The following RGS6 variants were observed in gnomAD, a reference collection of about 807,000 sequenced individuals.
RGS6 encodes the protein regulator of G-protein signaling 6.
Under a neutral mutation model 78.5 loss-of-function variants are expected in RGS6, and 30 were observed. That is an observed-to-expected ratio of 0.38 (90% CI 0.29 to 0.52). The LOEUF is 0.52. Ranked by LOEUF, RGS6 falls within the 20% of genes least tolerant of loss-of-function variation. The pLI, the probability that RGS6 is intolerant of heterozygous loss-of-function variation, is 0.85. For missense variants in RGS6, 495 were observed against 609.7 expected, an observed-to-expected ratio of 0.81 and a Z score of 1.98; for synonymous variants, 206 against 206.0, an observed-to-expected ratio of 1.00 and a Z score of 0.00.
chr14:72,624,130 AT>A, the RGS6 span, among the ~76,000 whole-genome samples: 1 of 152,102 alleles, frequency 6.6e-6, no homozygotes, highest in Non-Finnish European at 1.5e-5. Context: ...ATCACACTAT[AT>A]TTTTATTTAT....
intron 2 of RGS6, among the ~76,000 whole-genome samples, chr14:72,139,500 G>T (rs1296176644): frequency 6.6e-6 from 1 of 152,168 alleles, no homozygotes; most frequent in Admixed American, 6.5e-5. Context: ...AACTTTCATA[G>T]TAAGAACTTG....
chr14:72,535,671 G>A (rs149582162), intron 15 of RGS6, among the ~76,000 whole-genome samples: 2 of 152,270 alleles, frequency 1.3e-5, no homozygotes, highest in African/African-American at 4.8e-5. Context: ...CCTTCCTGTT[G>A]CCTTTTATAA....
the RGS6 span, among the ~76,000 whole-genome samples, chr14:72,586,833 T>C: frequency 6.6e-6 from 1 of 152,190 alleles, no homozygotes; most frequent in African/African-American, 2.4e-5. Flanking sequence ...AATACTACTT[T>C]GCAGGGCCTG....
intron 2 of RGS6, among the ~76,000 whole-genome samples, chr14:72,348,084 C>T (rs1019153888): frequency 6.6e-6 from 1 of 152,230 alleles, no homozygotes; most frequent in Non-Finnish European, 1.5e-5. Context: ...CTAGGATCAG[C>T]CAGGCTCTGG....
chr14:72,606,035 C>T, the RGS6 span, among the ~76,000 whole-genome samples: 2 of 152,100 alleles, frequency 1.3e-5, no homozygotes, highest in South Asian at 2.1e-4. Flanking sequence ...CCTTGTCCCC[C>T]GAGACCTCTG....
the RGS6 span, among the ~76,000 whole-genome samples, chr14:72,576,725 G>A: frequency 6.6e-6 from 1 of 152,156 alleles, no homozygotes. Flanking sequence ...GTCAATCAAG[G>A]CTTCTCAGCA....
intron 2 of RGS6, among the ~76,000 whole-genome samples, chr14:72,215,248 A>G (rs1368639570): frequency 1.3e-5 from 2 of 152,172 alleles, no homozygotes; most frequent in African/African-American, 4.8e-5. Flanking sequence ...CCAGCCAATC[A>G]GCCAGAGACA....
chr14:72,186,200 A>T (rs1010468000), intron 2 of RGS6, among the ~76,000 whole-genome samples: 1 of 152,106 alleles, frequency 6.6e-6, no homozygotes, highest in Non-Finnish European at 1.5e-5. Context: ...AGCTGATCCC[A>T]TTTCTCTCTC....
intron 2 of RGS6, among the ~76,000 whole-genome samples, chr14:72,139,630 TAG>T (rs1413169192): frequency 6.6e-6 from 1 of 152,222 alleles, no homozygotes. Context: ...TGTTTATAGA[TAG>T]AGTTTCAGCT....
intron 2 of RGS6, among the ~76,000 whole-genome samples, chr14:72,228,822 G>C (rs1002934271): frequency 3.9e-5 from 6 of 152,250 alleles, no homozygotes; most frequent in African/African-American, 1.4e-4. Flanking sequence ...AAGGCAGCCA[G>C]ATCACCTGAG....
chr14:72,008,845 G>A (rs2085105718), intron 2 of RGS6, among the ~76,000 whole-genome samples: 1 of 152,228 alleles, frequency 6.6e-6, no homozygotes, highest in Admixed American at 6.5e-5. Flanking sequence ...GTAGGCCTTA[G>A]ACTTCTGTAC....
the RGS6 span, among the ~76,000 whole-genome samples, chr14:72,577,443 C>T: frequency 6.6e-6 from 1 of 152,206 alleles, no homozygotes; most frequent in Admixed American, 6.5e-5. Flanking sequence ...CTCTTTCTCT[C>T]CCACCTTTTC....
intron 3 of RGS6, among the ~76,000 whole-genome samples, chr14:72,365,987 A>T (rs1012483633): frequency 1.3e-5 from 2 of 152,152 alleles, no homozygotes; most frequent in Non-Finnish European, 2.9e-5. Flanking sequence ...AGAACATTTT[A>T]TGTAAGAGAT....
In RGS6 at chr14:72,341,704, G is replaced by A. The variant is rs562516547; in HGVS notation, c.85-10391G>A. ...CTTGAATTCCATAGTAGGGAATTTG[G>A]CATTTATTTTGTAGCTGTGGGAAGC... On this transcript the variant is annotated intron_variant, in intron 2 of 17. Coordinates refer to ENST00000553525, the MANE Select transcript of RGS6 (RefSeq NM_001204424.2). Among the ~76,000 whole-genome samples, 31 of 152,296 alleles carry A rather than the reference G, an allele frequency of 2.0e-4. 1 individual carries two copies. In the South Asian group the frequency reaches 6.2e-3, roughly 31 times the overall value.
chr14:72,481,507 G>A (rs2283377), intron 12 of RGS6, among the ~76,000 whole-genome samples: 17,017 of 152,100 alleles, frequency 0.11, 1,055 homozygotes, highest in South Asian at 0.17. Flanking sequence ...TGCCTCACAC[G>A]CCATCACTAA....
At chr14:72,268,470 A>T (rs1436215122) in intron 2 of RGS6, among the ~76,000 whole-genome samples, 1 of 152,210 alleles carries the variant, frequency 6.6e-6, no homozygotes, top group Non-Finnish European at 1.5e-5. Context: ...AGCCTGAGGG[A>T]AATGGAACAG....
chr14:72,323,935 G>A (rs555636018), intron 2 of RGS6, among the ~76,000 whole-genome samples: 1 of 147,348 alleles, frequency 6.8e-6, no homozygotes, highest in East Asian at 2.0e-4. Flanking sequence ...ATATATTTAT[G>A]GGGTACTTGA....
intron 2 of RGS6, among the ~76,000 whole-genome samples, chr14:72,004,430 T>C (rs751762022): frequency 2.6e-5 from 4 of 152,190 alleles, no homozygotes; most frequent in Non-Finnish European, 5.9e-5. Context: ...TTTGAAAATA[T>C]AGTCTTAATA....
At chr14:72,321,904 T>C (rs1044697266) in intron 2 of RGS6, among the ~76,000 whole-genome samples, 1 of 152,030 alleles carries the variant, frequency 6.6e-6, no homozygotes, top group Non-Finnish European at 1.5e-5. Flanking sequence ...GACTATACTT[T>C]AGACCACACA....
Sources: gnomAD v4.1 joint callset for allele counts (sites outside exome capture counted in the v4.1 genomes callset) on GRCh38, gnomAD v4.1.1 for gene constraint, MANE v1.5 for transcripts, NCBI Gene and HGNC (gene_info 2026-07-23, HGNC 2026-07-21) for gene names.